MCU: variants seen among roughly 807,000 people sequenced by gnomAD.
MCU encodes the protein calcium uniporter protein, mitochondrial.
A neutral mutation model predicts 45.2 loss-of-function variants in MCU; 12 were observed. The ratio of observed to expected loss-of-function variants is 0.27; its 90% CI spans 0.17 to 0.43. The LOEUF is 0.43. Among genes scored for constraint, MCU ranks in the 20% least tolerant of loss-of-function variants. MCU has a pLI of 1.00. For synonymous variants in MCU, 160 were observed against 165.1 expected, an observed-to-expected ratio of 0.97 and a Z score of 0.24; for missense variants, 324 against 436.7, an observed-to-expected ratio of 0.74 and a Z score of 2.30.
At chr10:72,864,157 T>G (rs1295250836) in intron 4 of MCU, among the ~76,000 whole-genome samples, 1 of 152,166 alleles carries the variant, frequency 6.6e-6, no homozygotes, top group South Asian at 2.1e-4. Context: ...ACTCAAGTGT[T>G]TTTAATATCA....
At chr10:72,742,823 C>T (rs187855880) in intron 1 of MCU, among the ~76,000 whole-genome samples, 6 of 152,238 alleles carry the variant, frequency 3.9e-5, no homozygotes, top group African/African-American at 1.4e-4. Flanking sequence ...AGTCTTTCTC[C>T]TGAAGATGTA....
At chr10:72,834,485 GT>G (rs1844927290) in intron 2 of MCU, 57 bp downstream of exon 2, 6 of 1,456,708 alleles carry the variant, frequency 4.1e-6, no homozygotes, top group Non-Finnish European at 5.7e-6. Flanking sequence ...TTAGCTCAGT[GT>G]TTCCTATTCT....
chr10:72,754,772 G>A (rs1306350165), intron 1 of MCU, among the ~76,000 whole-genome samples: 6 of 152,148 alleles, frequency 3.9e-5, no homozygotes, highest in Admixed American at 2.6e-4. Flanking sequence ...TGAGGTGGCA[G>A]TGAGCCATGA....
intron 1 of MCU, among the ~76,000 whole-genome samples, chr10:72,742,866 C>A (rs1391317784): frequency 6.6e-6 from 1 of 152,032 alleles, no homozygotes; most frequent in African/African-American, 2.4e-5. Context: ...TGGGCAACTC[C>A]TGAGGTGATT....
At chr10:72,845,638 A>G (rs1013428478) in intron 2 of MCU, among the ~76,000 whole-genome samples, 3 of 152,188 alleles carry the variant, frequency 2.0e-5, no homozygotes, top group African/African-American at 7.2e-5. Flanking sequence ...CTAGATACCT[A>G]CTAGGTGTGT....
chr10:72,844,946 G>A (rs2132849249), intron 2 of MCU, among the ~76,000 whole-genome samples: 1 of 152,180 alleles, frequency 6.6e-6, no homozygotes, highest in South Asian at 2.1e-4. Context: ...AGTAGGAGCT[G>A]ATCAACTTAC....
At chr10:72,781,662 G>T (rs1267772279) in intron 1 of MCU, among the ~76,000 whole-genome samples, 1 of 152,194 alleles carries the variant, frequency 6.6e-6, no homozygotes, top group Non-Finnish European at 1.5e-5. Flanking sequence ...AAATATGAGA[G>T]CTTAGCCTGA....
intron 1 of MCU, among the ~76,000 whole-genome samples, chr10:72,697,217 A>G (rs1363501968): frequency 6.6e-6 from 1 of 151,100 alleles, no homozygotes; most frequent in Non-Finnish European, 1.5e-5. Context: ...CCTGGGTTCA[A>G]GTGATTTTCC....
intron 1 of MCU, among the ~76,000 whole-genome samples, chr10:72,753,823 G>C (rs1196910809): frequency 2.0e-5 from 3 of 151,992 alleles, no homozygotes; most frequent in Non-Finnish European, 4.4e-5. Context: ...AGATTGCAGT[G>C]ATCTGTGATC....
intron 1 of MCU, among the ~76,000 whole-genome samples, chr10:72,767,739 T>C (rs1455954552): frequency 6.6e-6 from 1 of 152,148 alleles, no homozygotes; most frequent in Admixed American, 6.6e-5. Flanking sequence ...GAGTGCTGAG[T>C]CTTTCCCTTT....
chr10:72,882,896 C>A (rs1031560053), intron 6 of MCU, among the ~76,000 whole-genome samples: 11 of 152,140 alleles, frequency 7.2e-5, no homozygotes, highest in Non-Finnish European at 1.6e-4. Flanking sequence ...TGATGTCCCC[C>A]CCGGATGCCC....
At chr10:72,869,960 G>A (rs1845515128) in intron 5 of MCU, among the ~76,000 whole-genome samples, 1 of 152,054 alleles carries the variant, frequency 6.6e-6, no homozygotes, top group African/African-American at 2.4e-5. Context: ...TTTTAAATGT[G>A]TTATATATAT....
At position 72,859,457 on chromosome 10, in the gene MCU, A is replaced by T. The variant is rs192333069; in HGVS notation, c.391+110A>T. 317 of 989,050 alleles carry T rather than the reference A, an allele frequency of 3.2e-4. 3 individuals carry two copies. In the African/African-American group the frequency reaches 4.6e-3, roughly 14 times the overall value. 61.3% of individuals were successfully genotyped at this position (989,050 alleles called of 1,614,324 possible). A position where few individuals can be genotyped will look rare whatever the true frequency, so the allele number is the denominator to read the frequency against. On this transcript the variant is annotated intron_variant, in intron 3 of 7. Coordinates refer to ENST00000373053, the MANE Select transcript of MCU (RefSeq NM_138357.3). The stretch of plus-strand genomic sequence containing the variant: ...AGCTACAAAAGAACCCTATACTGTT[A>T]ACTTCAGAAAACTTTTTTCTTTTGC...
chr10:72,730,204 G>T (rs144309018), intron 1 of MCU, among the ~76,000 whole-genome samples: 321 of 151,344 alleles, frequency 2.1e-3, no homozygotes, highest in Admixed American at 3.9e-3. Context: ...AAAGTAATCC[G>T]CTTGCCTTAA....
chr10:72,837,603 C>T (rs1038429126), intron 2 of MCU, among the ~76,000 whole-genome samples: 2 of 152,166 alleles, frequency 1.3e-5, no homozygotes, highest in African/African-American at 4.8e-5. Context: ...CTAAAGACCT[C>T]AAATCTAAAA....
chr10:72,792,759 G>A (rs1433112653), intron 1 of MCU, among the ~76,000 whole-genome samples: 1 of 122,570 alleles, frequency 8.2e-6, no homozygotes, highest in Non-Finnish European at 1.6e-5. Context: ...CTTAAATAAT[G>A]TTAAGATCTT....
intron 1 of MCU, among the ~76,000 whole-genome samples, chr10:72,771,837 A>G (rs575960111): frequency 6.6e-6 from 1 of 152,128 alleles, no homozygotes; most frequent in Admixed American, 6.5e-5. Flanking sequence ...CCTCCCCACT[A>G]CTGGCCCCAG....
At chr10:72,885,564 C>T (rs1445585829) in intron 7 of MCU, among the ~76,000 whole-genome samples, 181 bp from the exon 8 acceptor site, 2 of 152,152 alleles carry the variant, frequency 1.3e-5, no homozygotes, top group African/African-American at 2.4e-5. Context: ...TTTGGATTCA[C>T]CCTTTGTTGT....
chr10:72,745,490 A>C (rs1843402106), intron 1 of MCU, among the ~76,000 whole-genome samples: 1 of 152,116 alleles, frequency 6.6e-6, no homozygotes, highest in African/African-American at 2.4e-5. Context: ...TGGCCTCCCA[A>C]AGTGCTGGGA....
Sources: gnomAD v4.1 joint callset for allele counts (sites outside exome capture counted in the v4.1 genomes callset) on GRCh38, gnomAD v4.1.1 for gene constraint, MANE v1.5 for transcripts, NCBI Gene and HGNC (gene_info 2026-07-23, HGNC 2026-07-21) for gene names.